ST7: variants seen among roughly 807,000 people sequenced by gnomAD.
The protein encoded by ST7 is suppressor of tumorigenicity 7 protein.
A neutral mutation model predicts 78.7 loss-of-function variants in ST7; 28 were observed. The ratio of observed to expected loss-of-function variants is 0.36; its 90% CI spans 0.26 to 0.49. The LOEUF is 0.49. Among genes scored for constraint, ST7 ranks in the 20% least tolerant of loss-of-function variants. The pLI is 0.99. For synonymous variants in ST7, 247 were observed against 249.6 expected (o/e 0.99, Z 0.10); for missense variants, 418 against 696.0 (o/e 0.60, Z 4.49).
At chr7:117,073,748 T>G (rs1378810028) in intron 1 of ST7, 1 of 152,214 alleles carries the variant, frequency 6.6e-6, no homozygotes, top group East Asian at 1.9e-4. Flanking sequence ...TTTAGAAATC[T>G]GTGGAAAAGT....
intron 12 of ST7, among the ~76,000 whole-genome samples, chr7:117,192,184 G>A (rs1809845057): frequency 6.6e-6 from 1 of 152,012 alleles, no homozygotes; most frequent in Admixed American, 6.6e-5. Flanking sequence ...ATTCCACTTT[G>A]ACTAAAATTT....
chr7:117,010,320 G>A (rs1444979142), intron 1 of ST7, among the ~76,000 whole-genome samples: 4 of 152,224 alleles, frequency 2.6e-5, no homozygotes, highest in African/African-American at 4.8e-5. Flanking sequence ...GGTCTTGGGA[G>A]TAGAGCCCAG....
chr7:117,107,400 C>T (rs1346398611), intron 2 of ST7, among the ~76,000 whole-genome samples: 2 of 152,084 alleles, frequency 1.3e-5, no homozygotes, highest in East Asian at 3.9e-4. Context: ...AAAAGTATTC[C>T]CTTTTCACCA....
At chr7:117,135,463 A>G (rs986428882) in intron 7 of ST7, among the ~76,000 whole-genome samples, 1 of 152,066 alleles carries the variant, frequency 6.6e-6, no homozygotes, top group Non-Finnish European at 1.5e-5. Context: ...GTGTTCTCTG[A>G]AGCAGAAAGT....
At chr7:117,152,407 T>A (rs1470378450) in intron 9 of ST7, among the ~76,000 whole-genome samples, 1 of 151,624 alleles carries the variant, frequency 6.6e-6, no homozygotes, top group Non-Finnish European at 1.5e-5. Context: ...CTCTGCCAAC[T>A]CCAAATTTGG....
At position 117,140,134 on chromosome 7, in the gene ST7, A is replaced by G. The variant is rs113372846; in HGVS notation, c.963+1602A>G. Among the ~76,000 whole-genome samples the G allele has an allele frequency of 7.4e-3, 1,122 of 152,318 alleles. 10 individuals are homozygous for G. Among genetic ancestry groups the G allele is most frequent in the African/African-American group, 0.024 (989 of 41,552 alleles). ...TTTCTGTCAGTCTCTTGGTTATCATAATTTTCAGTACATATAAAATTTCAT... is the reference window on the plus strand; with the variant it reads ...TTTCTGTCAGTCTCTTGGTTATCATGATTTTCAGTACATATAAAATTTCAT... On this transcript the variant is annotated intron_variant, in intron 9 of 15. Coordinates refer to ENST00000323984, the MANE Select transcript of ST7 (RefSeq NM_001369598.1).
chr7:117,057,952 G>A (rs1052729422), intron 1 of ST7, among the ~76,000 whole-genome samples: 12 of 152,164 alleles, frequency 7.9e-5, no homozygotes, highest in African/African-American at 2.7e-4. Flanking sequence ...CAGAACCTCA[G>A]TTGTTTCCAC....
At chr7:117,108,809 C>T (rs1361907299) in intron 2 of ST7, among the ~76,000 whole-genome samples, 2 of 152,062 alleles carry the variant, frequency 1.3e-5, no homozygotes, top group South Asian at 4.2e-4. Flanking sequence ...TTTTTCACCT[C>T]CTTGGTTAAG....
At chr7:117,226,123 T>C (rs1447591249) in intron 15 of ST7, among the ~76,000 whole-genome samples, 2 of 152,172 alleles carry the variant, frequency 1.3e-5, no homozygotes, top group African/African-American at 4.8e-5. Flanking sequence ...AAGCCTGATA[T>C]TGATTACCGT....
At chr7:117,008,012 T>C (rs1235198457) in intron 1 of ST7, among the ~76,000 whole-genome samples, 1 of 152,210 alleles carries the variant, frequency 6.6e-6, no homozygotes, top group African/African-American at 2.4e-5. Flanking sequence ...AATGTAGCAG[T>C]TGTCTTGATT....
intron 1 of ST7, among the ~76,000 whole-genome samples, chr7:117,022,032 A>G (rs1795943726): frequency 7.1e-6 from 1 of 140,446 alleles, no homozygotes; most frequent in South Asian, 2.4e-4. Context: ...CAAAAATGGA[A>G]GTTAAAACTC....
At chr7:117,107,452 G>T (rs1174593557) in intron 2 of ST7, among the ~76,000 whole-genome samples, 2 of 151,908 alleles carry the variant, frequency 1.3e-5, no homozygotes, top group East Asian at 3.9e-4. Context: ...TTTTATTATG[G>T]TCATTCTTGC....
chr7:117,152,184 TATATATATATA>T (rs1330092711), intron 9 of ST7, among the ~76,000 whole-genome samples: 6 of 68,198 alleles, frequency 8.8e-5, no homozygotes, highest in African/African-American at 2.9e-4. Flanking sequence ...AAACTATATA[TATATATATATA>T]TATATATATA....
intron 9 of ST7, among the ~76,000 whole-genome samples, chr7:117,166,032 A>C (rs1022185781): frequency 6.6e-6 from 1 of 152,188 alleles, no homozygotes; most frequent in African/African-American, 2.4e-5. Context: ...TATTCCTAAA[A>C]ATGGCTGTCC....
At chr7:117,032,036 C>T (rs919021867) in intron 1 of ST7, among the ~76,000 whole-genome samples, 1 of 151,534 alleles carries the variant, frequency 6.6e-6, no homozygotes, top group Non-Finnish European at 1.5e-5. Context: ...CAAATGCCAC[C>T]ACGTGTGGCT....
chr7:117,015,577 C>T (rs1343516482), intron 1 of ST7, among the ~76,000 whole-genome samples: 1 of 152,152 alleles, frequency 6.6e-6, no homozygotes, highest in Non-Finnish European at 1.5e-5. Flanking sequence ...GTTTCTCAAT[C>T]TCTAGTTTCA....
chr7:117,115,551 A>C (rs1189599776), intron 2 of ST7, among the ~76,000 whole-genome samples: 1 of 151,946 alleles, frequency 6.6e-6, no homozygotes, highest in African/African-American at 2.4e-5. Context: ...ATGGGGTTTC[A>C]CCATGTTGGC....
At chr7:117,221,331 C>A (rs1793073841) in intron 14 of ST7, among the ~76,000 whole-genome samples, 1 of 152,142 alleles carries the variant, frequency 6.6e-6, no homozygotes, top group Admixed American at 6.5e-5. Flanking sequence ...TCTTGACCTT[C>A]CCTCCTTGCA....
chr7:116,976,767 G>A (rs1793725005), intron 1 of ST7, among the ~76,000 whole-genome samples: 1 of 152,172 alleles, frequency 6.6e-6, no homozygotes, highest in Admixed American at 6.5e-5. Context: ...TAATGATTCA[G>A]TTTACCACAT....
Sources: gnomAD v4.1 joint callset for allele counts (sites outside exome capture counted in the v4.1 genomes callset) on GRCh38, gnomAD v4.1.1 for gene constraint, MANE v1.5 for transcripts, NCBI Gene and HGNC (gene_info 2026-07-23, HGNC 2026-07-21) for gene names.